Variants in CHN2 observed in about 807,000 individuals in gnomAD.
CHN2 encodes the protein chimerin 2, also known as beta-chimaerin.
A neutral mutation model predicts 56.3 loss-of-function variants in CHN2; 35 were observed. That is an observed-to-expected ratio of 0.62 (90% CI 0.47 to 0.82). CHN2 has a LOEUF of 0.82. Ranked by LOEUF, CHN2 falls within the 40% of genes least tolerant of loss-of-function variation. The pLI is 0.00. For synonymous variants in CHN2, 210 were observed against 212.8 expected (o/e 0.99, Z 0.12); for missense variants, 491 against 580.5 (o/e 0.85, Z 1.58).
chr7:29,218,782 A>C lies in CHN2; in HGVS notation c.49+23792A>C, dbSNP rs1439827510. The stretch of plus-strand genomic sequence containing the variant: ...AACACATGGACACAGGAAGGGGAAC[A>C]TCACACACCAGGGACTGTTGTGGGG... On this transcript the variant is annotated intron_variant, in intron 1 of 12. Transcript: ENST00000222792. Among the ~76,000 whole-genome samples, 11 of 138,860 alleles carry C rather than the reference A, an allele frequency of 7.9e-5. 1 individual carries two copies. In the East Asian group the frequency reaches 2.6e-3, roughly 33 times the overall value. The allele number at this position is 138,860 out of a possible 152,430, so 91.1% of individuals were successfully genotyped here.
intron 2 of CHN2, among the ~76,000 whole-genome samples, chr7:29,186,807 G>T (rs1277856689): frequency 6.6e-6 from 1 of 152,070 alleles, no homozygotes; most frequent in Non-Finnish European, 1.5e-5. Context: ...GTATTGGAAT[G>T]AATCAGCCAA....
chr7:29,162,420 G>A (rs1795306398), intron 2 of CHN2, among the ~76,000 whole-genome samples: 1 of 152,172 alleles, frequency 6.6e-6, no homozygotes, highest in South Asian at 2.1e-4. Context: ...CCAGCACTTT[G>A]GGAGGCCAAA....
At chr7:29,341,253 C>T (rs895369726) in intron 1 of CHN2, among the ~76,000 whole-genome samples, 4 of 87,414 alleles carry the variant, frequency 4.6e-5, no homozygotes, top group Non-Finnish European at 9.1e-5. Context: ...TCTGATAGTC[C>T]GTCCAGTTCC....
chr7:29,501,654 G>T (rs1378640476), intron 9 of CHN2, among the ~76,000 whole-genome samples: 5 of 152,124 alleles, frequency 3.3e-5, no homozygotes, highest in Non-Finnish European at 1.5e-5. Context: ...ACAGCACAGG[G>T]ATTAGAGCCC....
At chr7:29,419,891 C>T (rs1465141708) in intron 6 of CHN2, among the ~76,000 whole-genome samples, 2 of 151,996 alleles carry the variant, frequency 1.3e-5, no homozygotes, top group Admixed American at 1.3e-4. Context: ...GAAACCCCGT[C>T]TCTACTAAAA....
chr7:29,461,969 G>A (rs1785202751), intron 6 of CHN2, among the ~76,000 whole-genome samples: 1 of 151,976 alleles, frequency 6.6e-6, no homozygotes, highest in African/African-American at 2.4e-5. Flanking sequence ...TACCTTTTTT[G>A]TCATATACAC....
intron 1 of CHN2, among the ~76,000 whole-genome samples, chr7:29,233,920 G>A (rs538789143): frequency 1.4e-4 from 17 of 125,260 alleles, no homozygotes; most frequent in Non-Finnish European, 2.1e-4. Context: ...TGCAAGCTCC[G>A]CCTCCCGGGT....
intron 1 of CHN2, among the ~76,000 whole-genome samples, chr7:29,321,172 G>T (rs1216255262): frequency 6.6e-6 from 1 of 152,326 alleles, no homozygotes; most frequent in Admixed American, 6.5e-5. Context: ...GGTTATCTGT[G>T]CATTTCATTT....
intron 2 of CHN2, among the ~76,000 whole-genome samples, chr7:29,161,462 AT>A (rs1030803463): frequency 1.1e-4 from 16 of 152,144 alleles, no homozygotes; most frequent in African/African-American, 3.9e-4. Flanking sequence ...CCCTCTACTT[AT>A]CTCGAACCCC....
intron 1 of CHN2, among the ~76,000 whole-genome samples, chr7:29,261,818 T>C (rs768459783): frequency 6.6e-5 from 10 of 152,250 alleles, no homozygotes; most frequent in Non-Finnish European, 1.5e-4. Context: ...CAAAATTGTA[T>C]GTTAGATATC....
chr7:29,298,507 C>G (rs999915709), intron 1 of CHN2, among the ~76,000 whole-genome samples: 3 of 152,170 alleles, frequency 2.0e-5, no homozygotes. Context: ...GCCCAGGTAA[C>G]TGGTGGCTAC....
chr7:29,423,532 T>C (rs1487054433), intron 6 of CHN2, among the ~76,000 whole-genome samples: 1 of 152,232 alleles, frequency 6.6e-6, no homozygotes, highest in African/African-American at 2.4e-5. Context: ...ATCCTGTGCA[T>C]GCCACTGGCC....
At position 29,351,361 on chromosome 7, in the gene CHN2, G is replaced by T. The variant is rs562582005; in HGVS notation, c.50-3264G>T. ...AATGCCTGTTACACGTCAGGCACCT[G>T]TCTAAAGGCTGGTGACGCAGAAGTG... On this transcript the variant is annotated intron_variant, in intron 1 of 12. Coordinates refer to ENST00000222792, the MANE Select transcript of CHN2 (RefSeq NM_004067.4). 2.0e-5 allele frequency among the ~76,000 whole-genome samples: 3 copies of T among 152,256 alleles called. No individual in the cohort carries two copies. The South Asian group carries it at 6.2e-4, about 32-fold the overall frequency.
intron 6 of CHN2, among the ~76,000 whole-genome samples, chr7:29,450,928 G>A (rs564561191): frequency 1.7e-4 from 26 of 151,884 alleles, no homozygotes; most frequent in East Asian, 1.2e-3. Flanking sequence ...CCACCATCAC[G>A]CCCGGCTAAT....
intron 1 of CHN2, among the ~76,000 whole-genome samples, chr7:29,299,519 T>C (rs1793472930): frequency 6.6e-6 from 1 of 152,198 alleles, no homozygotes; most frequent in African/African-American, 2.4e-5. Flanking sequence ...TGCTGCTTGC[T>C]AGCTCTTTGC....
intron 6 of CHN2, among the ~76,000 whole-genome samples, chr7:29,466,210 G>A (rs1475714976): frequency 6.9e-6 from 1 of 145,456 alleles, no homozygotes; most frequent in East Asian, 2.0e-4. Context: ...AATAAAGAGA[G>A]AAAGAGAGAG....
chr7:29,159,109 G>A (rs1303240714), intron 2 of CHN2, among the ~76,000 whole-genome samples: 1 of 152,186 alleles, frequency 6.6e-6, no homozygotes, highest in African/African-American at 2.4e-5. Context: ...TTCCTAATGG[G>A]CTACACAGCA....
chr7:29,483,598 G>T (rs1243571103), intron 7 of CHN2, among the ~76,000 whole-genome samples: 1 of 152,074 alleles, frequency 6.6e-6, no homozygotes, highest in Non-Finnish European at 1.5e-5. Flanking sequence ...AATGAAAACT[G>T]TTTGTCAAGA....
intron 1 of CHN2, among the ~76,000 whole-genome samples, chr7:29,283,859 C>T (rs903193947): frequency 9.9e-5 from 15 of 150,886 alleles, no homozygotes; most frequent in East Asian, 2.0e-4. Context: ...CCTCGTGATC[C>T]GCCTGCCTCT....
Sources: allele counts gnomAD v4.1 joint callset (sites outside exome capture counted in the v4.1 genomes callset), GRCh38; gene constraint gnomAD v4.1.1; transcripts MANE v1.5; gene names NCBI Gene and HGNC (gene_info 2026-07-23, HGNC 2026-07-21).